The following AXIN1 variants were observed in gnomAD, a reference collection of about 807,000 sequenced individuals.
AXIN1 encodes axin-1.
A neutral mutation model predicts 76.4 loss-of-function variants in AXIN1; 30 were observed. That is an observed-to-expected ratio of 0.39 (90% CI 0.29 to 0.53). The LOEUF is 0.53. AXIN1 is among the 20% of genes least tolerant of loss of function. The pLI is 0.66. For synonymous variants in AXIN1, 545 were observed against 501.4 expected (o/e 1.09, Z -1.16); for missense variants, 1,140 against 1,198.8 (o/e 0.95, Z 0.72).
intron 2 of AXIN1, among the ~76,000 whole-genome samples, chr16:332,207 G>A (rs2053705127): frequency 6.6e-6 from 1 of 152,182 alleles, no homozygotes; most frequent in South Asian, 2.1e-4. Flanking sequence ...CACGGTCCAA[G>A]GACAGTTTAG....
intron 2 of AXIN1, among the ~76,000 whole-genome samples, chr16:318,054 G>A (rs937766669): frequency 3.3e-5 from 5 of 152,064 alleles, no homozygotes; most frequent in Non-Finnish European, 5.9e-5. Context: ...CACACGGCGC[G>A]TCTGTAGCCC....
intron 2 of AXIN1, among the ~76,000 whole-genome samples, chr16:327,877 T>A (rs766609652): frequency 1.3e-5 from 2 of 152,234 alleles, no homozygotes; most frequent in Non-Finnish European, 2.9e-5. Flanking sequence ...TGCACATTAG[T>A]TAGGGGACTG....
In AXIN1 at chr16:293,832, G is replaced by T; in HGVS notation, c.1956-114C>A. The T allele has an allele frequency of 9.6e-7, 1 of 1,043,970 alleles. No individual in the cohort carries two copies. Among genetic ancestry groups the T allele is most frequent in the Non-Finnish European group, 1.5e-6 (1 of 678,924 alleles). 64.7% of individuals were successfully genotyped at this position (1,043,970 alleles called of 1,614,324 possible). A position where few individuals can be genotyped will look rare whatever the true frequency, so the allele number is the denominator to read the frequency against. On this transcript the variant is annotated intron_variant, in intron 7 of 10. Transcript: ENST00000262320. This position sits in a 1 kb window ranked among gnomAD's most constrained non-coding sequence, Gnocchi z 4.6. ...TCCTTGAGGGATAGGATGGGATGGG[G>T]CACTGGGGCCTGGCCACCAAGCCAC...
intron 1 of AXIN1, 72 bp from the exon 2 acceptor site, chr16:347,178 G>C: frequency 2.2e-6 from 3 of 1,368,688 alleles, no homozygotes; most frequent in South Asian, 1.2e-5. Context: ...GTTTTCTCAA[G>C]ACAAGACTCA....
At chr16:316,111 A>T (rs1206573000) in intron 2 of AXIN1, among the ~76,000 whole-genome samples, 1 of 151,860 alleles carries the variant, frequency 6.6e-6, no homozygotes, top group African/African-American at 2.4e-5. Flanking sequence ...TTATTTATTT[A>T]TTTTCTATTT....
chr16:310,049 C>T lies in AXIN1; in HGVS notation c.1040G>A (p.Arg347Lys), dbSNP rs2141573920. ...CTCCCTGCGGTGCTGCTTACGGATC[C>T]TGTATGGGGGGATCCCATCCCTGTC... is the stretch of plus-strand genomic sequence containing the variant. ...DSSVDGIPPY[R>K]IRKQHRREMQ... Residue 347 changes from arginine (R) to lysine (K), a missense_variant, in exon 4 of 11, where the codon AGG becomes AAG. By Grantham distance (26) the Arg-to-Lys change is conservative. Coordinates refer to ENST00000262320, the MANE Select transcript of AXIN1 (RefSeq NM_003502.4). 1.9e-6 allele frequency: 3 copies of T among 1,612,430 alleles called. No homozygotes were observed. Among genetic ancestry groups the T allele is most frequent in the East Asian group, 2.2e-5 (1 of 44,818 alleles).
In AXIN1 at chr16:287,678, T is replaced by G. The variant is rs393521; in HGVS notation, c.*444A>C. On this transcript the variant is annotated 3_prime_UTR_variant, in exon 11 of 11. Coordinates refer to ENST00000262320, the MANE Select transcript of AXIN1 (RefSeq NM_003502.4). ...ACAGTGGCAGGCAAGAGACAAGCTG[T>G]GTTGAAGGCACTCGGTGGCGCGTAC... 0.21 allele frequency: 70,311 copies of G among 332,490 alleles called. 8,536 individuals are homozygous for G. The highest frequency in any genetic ancestry group is 0.36 in the African/African-American group (17,366 of 48,338). The allele number at this position is 332,490 out of a possible 1,614,324, so 20.6% of individuals were successfully genotyped here. A position where few individuals can be genotyped will look rare whatever the true frequency, so the allele number is the denominator to read the frequency against.
chr16:322,811 G>C (rs550688059), intron 2 of AXIN1, among the ~76,000 whole-genome samples: 1 of 152,344 alleles, frequency 6.6e-6, no homozygotes, highest in South Asian at 2.1e-4. Context: ...CAAAAGCCTG[G>C]CAAGAAGCAA....
At chr16:303,979 C>G (rs1482594304) in intron 5 of AXIN1, among the ~76,000 whole-genome samples, 1 of 152,192 alleles carries the variant, frequency 6.6e-6, no homozygotes, top group Non-Finnish European at 1.5e-5. Flanking sequence ...GTTGAGATCA[C>G]CCGCTGCAGT....
At chr16:308,654 A>G (rs2053091121) in intron 4 of AXIN1, among the ~76,000 whole-genome samples, 1 of 152,206 alleles carries the variant, frequency 6.6e-6, no homozygotes. Flanking sequence ...GTGGCTGTGC[A>G]GGTGCCCTCG....
intron 7 of AXIN1, among the ~76,000 whole-genome samples, chr16:294,012 A>G (rs1238992610): frequency 1.3e-5 from 2 of 151,996 alleles, no homozygotes; most frequent in Admixed American, 1.3e-4. Flanking sequence ...CATCGCTACT[A>G]AATATACAAA....
chr16:289,427 C>T lies in AXIN1; in HGVS notation c.2462+13G>A, dbSNP rs2141466955. ...CTCGTGCGGGGAGGGGGCACCCCAG[C>T]CCTCACACTCACCTGTAGCTGCCCT... On this transcript the variant is annotated intron_variant, in intron 10 of 10. Coordinates refer to ENST00000262320, the MANE Select transcript of AXIN1 (RefSeq NM_003502.4). 6.2e-7 allele frequency: 1 copy of T among 1,612,712 alleles called. No individual in the cohort carries two copies. The highest frequency in any genetic ancestry group is 1.1e-5 in the South Asian group (1 of 91,082).
At chr16:326,394 T>TATATATATCTATATATATACACAC (rs144093618) in intron 2 of AXIN1, among the ~76,000 whole-genome samples, 1 of 119,660 alleles carries the variant, frequency 8.4e-6, no homozygotes, top group African/African-American at 3.5e-5. Flanking sequence ...TATATATATA[T>TATATATATCTATATATATACACAC]ACACACCTAT....
In AXIN1 at chr16:298,095, G is replaced by A. The variant is rs1410104858; in HGVS notation, c.1411C>T (p.Leu471=). Residue 471 remains leucine, a synonymous_variant, in exon 6 of 11, where the codon CTG becomes TTG. Transcript: ENST00000262320. ...DAHEENPESI[L]DEHVQRVLRT... is the part of the protein sequence containing the mutation. ...AGCACACGCTGTACGTGCTCGTCCA[G>A]GATGCTCTCAGGGTTCTCCTCGTGT... 2.6e-6 allele frequency: 4 copies of A among 1,551,274 alleles called. No individual in the cohort carries two copies. In the African/African-American group the frequency reaches 4.1e-5, roughly 16 times the overall value.
chr16:313,536 T>C (rs1371623300), intron 3 of AXIN1, among the ~76,000 whole-genome samples: 1 of 152,176 alleles, frequency 6.6e-6, no homozygotes, highest in Non-Finnish European at 1.5e-5. Context: ...TGCTCACAAG[T>C]TCATAGCCGC....
chr16:321,121 G>A (rs2053447885), intron 2 of AXIN1, among the ~76,000 whole-genome samples: 1 of 152,094 alleles, frequency 6.6e-6, no homozygotes, highest in Non-Finnish European at 1.5e-5. Context: ...AGGTAGATCT[G>A]GCCCTGGGAA....
intron 4 of AXIN1, among the ~76,000 whole-genome samples, chr16:308,906 T>G (rs1378240285): frequency 2.6e-5 from 4 of 152,250 alleles, no homozygotes; most frequent in Non-Finnish European, 5.9e-5. Flanking sequence ...AAGAAATTCC[T>G]GACTTGGAAA....
intron 5 of AXIN1, among the ~76,000 whole-genome samples, chr16:301,172 G>A (rs556499689): frequency 8.6e-5 from 13 of 152,046 alleles, no homozygotes; most frequent in Non-Finnish European, 4.4e-5. Flanking sequence ...TGGGGAGGCT[G>A]AGGCAGGAGA....
chr16:340,226 C>T (rs2053889931), intron 2 of AXIN1, among the ~76,000 whole-genome samples: 1 of 152,238 alleles, frequency 6.6e-6, no homozygotes, highest in South Asian at 2.1e-4. Flanking sequence ...CAGGAACCAG[C>T]AGCCCAAGAC....
Sources: allele counts gnomAD v4.1 joint callset (sites outside exome capture counted in the v4.1 genomes callset), GRCh38; gene constraint gnomAD v4.1.1; non-coding constraint Gnocchi (gnomAD v3.1); transcripts MANE v1.5; gene names NCBI Gene and HGNC (gene_info 2026-07-23, HGNC 2026-07-21).